The following HDAC9 variants were observed in gnomAD, a reference collection of about 807,000 sequenced individuals.
The protein encoded by HDAC9 is histone deacetylase 9, also known as MEF-2 interacting transcription repressor (MITR) protein.
HDAC9 carries 41 observed loss-of-function variants against 139.4 expected under a neutral mutation model. That is an observed-to-expected ratio of 0.29 (90% CI 0.23 to 0.38). The LOEUF is 0.38. Among genes scored for constraint, HDAC9 ranks in the 10% least tolerant of loss-of-function variants. The probability of loss-of-function intolerance (pLI) is 1.00; values close to 1 mark genes in which losing one functional copy is unlikely to be tolerated. For synonymous variants in HDAC9, 517 were observed against 476.2 expected, an observed-to-expected ratio of 1.09 and a Z score of -1.12; for missense variants, 1,147 against 1,297.0, an observed-to-expected ratio of 0.88 and a Z score of 1.78.
chr7:18,262,417 G>C (rs1020277657), intron 2 of HDAC9, among the ~76,000 whole-genome samples: 2 of 152,102 alleles, frequency 1.3e-5, no homozygotes, highest in Admixed American at 1.3e-4. Context: ...GAGAAATTAA[G>C]GCATTTCCAG....
intron 1 of HDAC9, among the ~76,000 whole-genome samples, chr7:18,370,285 G>C (rs1490123282): frequency 6.6e-6 from 1 of 152,066 alleles, no homozygotes; most frequent in African/African-American, 2.4e-5. Flanking sequence ...ATCCTTCCAA[G>C]CTAGCAGTGA....
intron 2 of HDAC9, among the ~76,000 whole-genome samples, chr7:18,245,254 C>T (rs1028621853): frequency 6.6e-6 from 1 of 152,188 alleles, no homozygotes; most frequent in Non-Finnish European, 1.5e-5. Context: ...TGCAGGCTGC[C>T]AGCAGGCATC....
At chr7:18,199,032 A>G (rs1223405683) in intron 2 of HDAC9, among the ~76,000 whole-genome samples, 1 of 152,166 alleles carries the variant, frequency 6.6e-6, no homozygotes, top group Non-Finnish European at 1.5e-5. Flanking sequence ...ATCAGGAAAC[A>G]ATCTTCTGCC....
intron 2 of HDAC9, among the ~76,000 whole-genome samples, chr7:18,191,473 A>G (rs111637943): frequency 6.6e-6 from 1 of 152,346 alleles, no homozygotes; most frequent in South Asian, 2.1e-4. Context: ...GAATGATTTT[A>G]GACAAACCCA....
chr7:18,883,033 G>C (rs1799846305), intron 22 of HDAC9, among the ~76,000 whole-genome samples: 1 of 152,038 alleles, frequency 6.6e-6, no homozygotes, highest in Non-Finnish European at 1.5e-5. Context: ...TAAATCCAGA[G>C]ACAATTGAAA....
chr7:18,880,686 A>T (rs115756947), intron 22 of HDAC9, among the ~76,000 whole-genome samples: 52 of 152,190 alleles, frequency 3.4e-4, no homozygotes, highest in African/African-American at 1.2e-3. Context: ...AGAACTTAAA[A>T]GATAACTATT....
At chr7:18,712,755 A>T (rs769622917) in intron 12 of HDAC9, among the ~76,000 whole-genome samples, 50 of 152,368 alleles carry the variant, frequency 3.3e-4, no homozygotes, top group Non-Finnish European at 3.8e-4. Flanking sequence ...GCCTACAAGT[A>T]TAATTTTGAA....
chr7:18,741,310 T>A (rs1372634474), intron 13 of HDAC9, among the ~76,000 whole-genome samples: 1 of 152,196 alleles, frequency 6.6e-6, no homozygotes, highest in African/African-American at 2.4e-5. Context: ...AGCTAGTGGC[T>A]TTAAGTTGAA....
At chr7:18,097,202 T>C (rs1782562648) in intron 1 of HDAC9, among the ~76,000 whole-genome samples, 1 of 152,216 alleles carries the variant, frequency 6.6e-6, no homozygotes, top group Non-Finnish European at 1.5e-5. Flanking sequence ...TTATTTGCTC[T>C]CATATCTAAC....
At chr7:18,929,019 C>G (rs866028272) in intron 22 of HDAC9, among the ~76,000 whole-genome samples, 14 of 151,524 alleles carry the variant, frequency 9.2e-5, no homozygotes, top group African/African-American at 3.4e-4. Flanking sequence ...AGGTTGTTTC[C>G]TTTCACTACC....
At chr7:18,700,707 G>A (rs945594229) in intron 12 of HDAC9, among the ~76,000 whole-genome samples, 7 of 152,144 alleles carry the variant, frequency 4.6e-5, no homozygotes, top group African/African-American at 1.7e-4. Context: ...TTGCTCACAC[G>A]TCTGGGAAAG....
At chr7:18,554,048 AT>A (rs1817962552) in intron 2 of HDAC9, among the ~76,000 whole-genome samples, 1 of 152,170 alleles carries the variant, frequency 6.6e-6, no homozygotes, top group African/African-American at 2.4e-5. Context: ...CTGCCTAGTA[AT>A]TATTAGTAGC....
At chr7:18,279,886 T>G (rs1269290076) in intron 2 of HDAC9, among the ~76,000 whole-genome samples, 1 of 152,208 alleles carries the variant, frequency 6.6e-6, no homozygotes, top group African/African-American at 2.4e-5. Flanking sequence ...TAAGGAATTA[T>G]GATGTAATTT....
intron 22 of HDAC9, among the ~76,000 whole-genome samples, chr7:18,905,850 GTTTC>G (rs148148225): frequency 0.13 from 19,469 of 150,014 alleles, 1,334 homozygotes; most frequent in South Asian, 0.25. Context: ...ATGCTGAATA[GTTTC>G]TTTCTTTCTT....
chr7:18,946,606 C>T (rs188451547), intron 23 of HDAC9, among the ~76,000 whole-genome samples: 1 of 151,710 alleles, frequency 6.6e-6, no homozygotes, highest in Non-Finnish European at 1.5e-5. Context: ...TTCTATGAAC[C>T]AAGAAGATAA....
At chr7:18,858,228 C>T (rs1034955075) in intron 21 of HDAC9, among the ~76,000 whole-genome samples, 4 of 152,104 alleles carry the variant, frequency 2.6e-5, no homozygotes, top group Admixed American at 2.0e-4. Context: ...CAATGTATTA[C>T]TCAATTCTTA....
chr7:18,518,053 T>C lies in HDAC9; in HGVS notation c.22+21729T>C, dbSNP rs145796556. On this transcript the variant is annotated intron_variant, in intron 2 of 25. Transcript: ENST00000686413. The stretch of plus-strand genomic sequence containing the variant: ...TTTTCTCATTTGAAATAAAATGTTA[T>C]GAGAAATTTTCACCATAAGCAAATA... The C allele has an allele frequency of 2.0e-5, 3 of 152,372 alleles. No individual in the cohort carries two copies. The East Asian group carries it at 5.8e-4, about 29-fold the overall frequency. The allele number at this position is 152,372 out of a possible 1,614,324, so 9.4% of individuals were successfully genotyped here.
intron 1 of HDAC9, among the ~76,000 whole-genome samples, chr7:18,394,786 T>C (rs192576371): frequency 3.9e-5 from 6 of 152,266 alleles, no homozygotes; most frequent in Non-Finnish European, 8.8e-5. Flanking sequence ...GATGGCAAGG[T>C]AAAGTCTTAG....
At chr7:18,153,227 C>T (rs530012952) in intron 1 of HDAC9, among the ~76,000 whole-genome samples, 3 of 152,184 alleles carry the variant, frequency 2.0e-5, no homozygotes, top group South Asian at 2.1e-4. Flanking sequence ...TTGGACCAAA[C>T]GCACAGACAA....
Sources: allele counts gnomAD v4.1 joint callset (sites outside exome capture counted in the v4.1 genomes callset), GRCh38; gene constraint gnomAD v4.1.1; transcripts MANE v1.5; gene names NCBI Gene and HGNC (gene_info 2026-07-23, HGNC 2026-07-21).